OSCP1: variants seen among roughly 807,000 people sequenced by gnomAD.
OSCP1 encodes the protein protein OSCP1.
In OSCP1, 35 loss-of-function variants were observed where a neutral mutation model predicts 45.1. The ratio of observed to expected loss-of-function variants is 0.78; its 90% confidence interval spans 0.59 to 1.03. The LOEUF is 1.03. Ranked by LOEUF, OSCP1 falls within the 50% of genes least tolerant of loss-of-function variation. OSCP1 has a pLI of 0.00. For synonymous variants in OSCP1, 179 were observed against 180.1 expected (o/e 0.99, Z 0.05); for missense variants, 400 against 470.7 (o/e 0.85, Z 1.39).
chr1:36,448,956 A>G (rs1163857285), intron 1 of OSCP1, among the ~76,000 whole-genome samples: 3 of 152,138 alleles, frequency 2.0e-5, no homozygotes, highest in African/African-American at 7.2e-5. Flanking sequence ...TAGAAAGCTC[A>G]TTGGCGGCAA....
At chr1:36,418,846 T>G in intron 9 of OSCP1, 145 bp downstream of exon 9, 2 of 648,832 alleles carry the variant, frequency 3.1e-6, no homozygotes. Context: ...GAGAATTGCT[T>G]AAACCTGGGA....
chr1:36,420,946 A>G (rs1435695510), intron 7 of OSCP1, among the ~76,000 whole-genome samples: 1 of 152,002 alleles, frequency 6.6e-6, no homozygotes, highest in Non-Finnish European at 1.5e-5. Flanking sequence ...CTCAGCATTT[A>G]CAAGTCGCCT....
chr1:36,423,258 G>T (rs917900148), intron 5 of OSCP1, 105 bp downstream of exon 5: 3 of 948,376 alleles, frequency 3.2e-6, no homozygotes, highest in African/African-American at 1.6e-5. Context: ...AAAGAGAAGG[G>T]CTGGGCAGAC....
chr1:36,432,030 G>A, intron 3 of OSCP1, 148 bp from the exon 4 acceptor site: 1 of 671,772 alleles, frequency 1.5e-6, no homozygotes, highest in Non-Finnish European at 2.5e-6. Flanking sequence ...GGGGAGACCA[G>A]CAGTGCTGCC....
chr1:36,442,138 A>AT (rs1298695483), intron 1 of OSCP1, among the ~76,000 whole-genome samples: 1 of 151,744 alleles, frequency 6.6e-6, no homozygotes, highest in Non-Finnish European at 1.5e-5. Context: ...GAGGCAGGAG[A>AT]ATTGCTTGAA....
intron 1 of OSCP1, among the ~76,000 whole-genome samples, chr1:36,441,173 T>C (rs1193034143): frequency 6.6e-6 from 1 of 152,140 alleles, no homozygotes; most frequent in Admixed American, 6.5e-5. Context: ...GGCAGAGCAG[T>C]GAGTACAAAT....
At chr1:36,437,326 T>A (rs574532625) in intron 2 of OSCP1, among the ~76,000 whole-genome samples, 1 of 151,870 alleles carries the variant, frequency 6.6e-6, no homozygotes, top group Non-Finnish European at 1.5e-5. Context: ...TTGAAGGAAT[T>A]ATTATTTAAA....
At chr1:36,439,961 TA>T (rs1349115868) in intron 1 of OSCP1, among the ~76,000 whole-genome samples, 7 of 152,242 alleles carry the variant, frequency 4.6e-5, no homozygotes, top group Non-Finnish European at 1.0e-4. Context: ...GAACATAGAT[TA>T]TCCTTAATTA....
chr1:36,418,169 G>A lies in OSCP1; in HGVS notation c.1110C>T (p.Asp370=), dbSNP rs748276524. Reference sequence around the variant, plus strand: ...ACTCATCCATCATGGCGAGCAAATCGTCCCCTTTGCTGGTGCTCAGCCTTG... The same window carrying A: ...ACTCATCCATCATGGCGAGCAAATCATCCCCTTTGCTGGTGCTCAGCCTTG... ...EQPRLSTSKG[D]DLLAMMDEL Residue 370 remains aspartate (D), a synonymous_variant, in exon 10 of 10, where the codon GAC becomes GAT. Coordinates refer to ENST00000235532, the MANE Select transcript of OSCP1 (RefSeq NM_145047.5). 1.9e-5 allele frequency: 30 copies of A among 1,614,002 alleles called. No homozygotes were observed. Among genetic ancestry groups the A allele is most frequent in the Admixed American group, 8.3e-5 (5 of 59,984 alleles).
intron 3 of OSCP1, 143 bp from the exon 4 acceptor site, chr1:36,432,025 G>T: frequency 1.5e-6 from 1 of 683,422 alleles, no homozygotes; most frequent in Non-Finnish European, 2.4e-6. Flanking sequence ...GCAGCGGGGA[G>T]ACCAGCAGTG....
At chr1:36,445,314 G>C (rs1443943847) in intron 1 of OSCP1, among the ~76,000 whole-genome samples, 1 of 152,084 alleles carries the variant, frequency 6.6e-6, no homozygotes, top group Non-Finnish European at 1.5e-5. Flanking sequence ...TACGCCACTG[G>C]GCGACAGAGC....
chr1:36,429,433 G>A (rs1469412064), intron 4 of OSCP1, among the ~76,000 whole-genome samples: 1 of 148,804 alleles, frequency 6.7e-6, no homozygotes, highest in Non-Finnish European at 1.5e-5. Flanking sequence ...GCCTGGGCTT[G>A]TTTTACCATA....
intron 4 of OSCP1, among the ~76,000 whole-genome samples, 197 bp from the exon 5 acceptor site, chr1:36,423,663 A>G (rs1647790821): frequency 6.6e-6 from 1 of 151,986 alleles, no homozygotes; most frequent in Admixed American, 6.6e-5. Flanking sequence ...TCATGAGGTC[A>G]GGAGATAGAG....
chr1:36,428,650 A>T (rs1648141520), intron 4 of OSCP1, among the ~76,000 whole-genome samples: 1 of 152,198 alleles, frequency 6.6e-6, no homozygotes, highest in Non-Finnish European at 1.5e-5. Context: ...TTAATTAAAA[A>T]TTGTTTTATT....
intron 4 of OSCP1, among the ~76,000 whole-genome samples, chr1:36,430,079 G>C (rs1400549091): frequency 1.3e-5 from 2 of 152,150 alleles, no homozygotes; most frequent in Admixed American, 1.3e-4. Flanking sequence ...TTACAGGCGT[G>C]AGCCACTGCG....
Position 36,438,821 on chromosome 1 carries a change from T to G in OSCP1, c.202A>C (p.Arg68=), listed in dbSNP as rs375707400. Residue 68 remains arginine, a synonymous_variant, in exon 2 of 10, where the codon AGG becomes CGG. Transcript: ENST00000235532. ...TGAGCCAGGCGCTCATAGACAGTCC[T>G]CAGGGCCTTCTTGGAGTAGAGCTCT... ...PQELYSKKAL[R]TVYERLAHAS... is the part of the protein sequence containing the mutation. 1.4e-4 allele frequency: 229 copies of G among 1,614,244 alleles called. No individual in the cohort carries two copies. The highest frequency in any genetic ancestry group is 1.9e-4 in the Non-Finnish European group (224 of 1,180,048).
chr1:36,446,278 G>A (rs1490755709), intron 1 of OSCP1, among the ~76,000 whole-genome samples: 2 of 152,134 alleles, frequency 1.3e-5, no homozygotes, highest in Non-Finnish European at 2.9e-5. Context: ...CCACCTCGGC[G>A]TCCCAAAATG....
chr1:36,419,973 G>GT (rs1647510064), intron 8 of OSCP1, among the ~76,000 whole-genome samples: 1 of 146,658 alleles, frequency 6.8e-6, no homozygotes, highest in Non-Finnish European at 1.5e-5. Context: ...CCATCACACC[G>GT]TCTCTTTTTT....
intron 1 of OSCP1, among the ~76,000 whole-genome samples, chr1:36,439,502 T>TA (rs1415327606): frequency 6.6e-6 from 1 of 151,996 alleles, no homozygotes; most frequent in Non-Finnish European, 1.5e-5. Flanking sequence ...AGATCCTGTC[T>TA]AAAAAAATAA....
Sources: gnomAD v4.1 joint callset for allele counts (sites outside exome capture counted in the v4.1 genomes callset) on GRCh38, gnomAD v4.1.1 for gene constraint, MANE v1.5 for transcripts, NCBI Gene and HGNC (gene_info 2026-07-23, HGNC 2026-07-21) for gene names.